Variants in ZNF277 observed in about 807,000 individuals in gnomAD.
The protein encoded by ZNF277 is zinc finger protein 277, also known as nuclear receptor-interacting factor 4.
A neutral mutation model predicts 60.7 loss-of-function variants in ZNF277; 55 were observed. The observed-to-expected ratio is 0.91, with a 90% CI of 0.73 to 1.13. The LOEUF (loss-of-function observed/expected upper bound fraction) is 1.13, where lower values mean the gene tolerates loss of function less well. Ranked by LOEUF, ZNF277 falls within the 50% of genes most tolerant of loss-of-function variation. The probability of loss-of-function intolerance (pLI) is 0.00; values close to 1 mark genes in which losing one functional copy is unlikely to be tolerated. For synonymous variants in ZNF277, 178 were observed against 179.3 expected, an observed-to-expected ratio of 0.99 and a Z score of 0.06; for missense variants, 510 against 523.0, an observed-to-expected ratio of 0.98 and a Z score of 0.24.
intron 1 of ZNF277, among the ~76,000 whole-genome samples, chr7:112,272,638 C>T (rs182264011): frequency 1.3e-5 from 2 of 152,260 alleles, no homozygotes; most frequent in Admixed American, 1.3e-4. Flanking sequence ...GGATTATAGG[C>T]ACACACCATC....
intron 4 of ZNF277, among the ~76,000 whole-genome samples, chr7:112,310,480 T>A (rs866669536): frequency 0.039 from 3,504 of 88,904 alleles, 220 homozygotes; most frequent in African/African-American, 0.19. Flanking sequence ...AGAGAGAGAG[T>A]GTGTGTGTGT....
chr7:112,307,065 A>G (rs1171318639), intron 4 of ZNF277, among the ~76,000 whole-genome samples: 1 of 152,040 alleles, frequency 6.6e-6, no homozygotes, highest in Non-Finnish European at 1.5e-5. Context: ...CCAGCAGCTT[A>G]TGGCCTTTGC....
At chr7:112,340,779 TAATAAA>T (rs754695943) in intron 10 of ZNF277, 87 bp from the exon 11 acceptor site, 192 of 1,050,844 alleles carry the variant, frequency 1.8e-4, no homozygotes, top group Non-Finnish European at 2.5e-4. Flanking sequence ...TCAGGTTGAT[TAATAAA>T]AATAAGTGGC....
chr7:112,272,550 A>G (rs547384220), intron 1 of ZNF277, among the ~76,000 whole-genome samples: 100 of 152,014 alleles, frequency 6.6e-4, no homozygotes, highest in Non-Finnish European at 1.2e-3. Context: ...CTGGAGTGCA[A>G]TGGCACAATC....
intron 1 of ZNF277, among the ~76,000 whole-genome samples, chr7:112,218,446 TTA>T (rs942893277): frequency 4.6e-5 from 7 of 152,228 alleles, no homozygotes; most frequent in African/African-American, 1.7e-4. Context: ...AATAAGCTAA[TTA>T]ACCTTGCATA....
intron 9 of ZNF277, among the ~76,000 whole-genome samples, chr7:112,339,610 C>T (rs1041354300): frequency 1.3e-5 from 2 of 152,202 alleles, no homozygotes; most frequent in Non-Finnish European, 2.9e-5. Flanking sequence ...TGAGCCACCG[C>T]GCCCGGCCCA....
At chr7:112,278,894 TC>T (rs2117049389) in intron 1 of ZNF277, among the ~76,000 whole-genome samples, 1 of 152,260 alleles carries the variant, frequency 6.6e-6, no homozygotes, top group African/African-American at 2.4e-5. Flanking sequence ...AAACAGTAAT[TC>T]CCCTTTTCCC....
chr7:112,304,764 G>T (rs1792552454), intron 4 of ZNF277, among the ~76,000 whole-genome samples: 1 of 152,152 alleles, frequency 6.6e-6, no homozygotes, highest in African/African-American at 2.4e-5. Flanking sequence ...AGGAGTTGGT[G>T]TTATGTCTTT....
chr7:112,210,725 G>A (rs1821723703), intron 1 of ZNF277, among the ~76,000 whole-genome samples: 1 of 152,010 alleles, frequency 6.6e-6, no homozygotes, highest in African/African-American at 2.4e-5. Context: ...ACCCTCCTCG[G>A]CCTCCCAAAG....
At chr7:112,335,472 C>T (rs772938785) in intron 7 of ZNF277, among the ~76,000 whole-genome samples, 3 of 151,976 alleles carry the variant, frequency 2.0e-5, no homozygotes, top group African/African-American at 7.2e-5. Context: ...CCAGACATAG[C>T]GCCAAAAGAG....
intron 1 of ZNF277, among the ~76,000 whole-genome samples, chr7:112,250,818 G>A (rs1587117435): frequency 6.6e-6 from 1 of 152,186 alleles, no homozygotes; most frequent in African/African-American, 2.4e-5. Flanking sequence ...TGCTAAGAAT[G>A]TTGGTGTGAG....
At chr7:112,275,498 G>A (rs1398467813) in intron 1 of ZNF277, among the ~76,000 whole-genome samples, 2 of 152,112 alleles carry the variant, frequency 1.3e-5, no homozygotes, top group Non-Finnish European at 2.9e-5. Flanking sequence ...AAACAGTAGA[G>A]TTATAGAAAG....
intron 4 of ZNF277, among the ~76,000 whole-genome samples, chr7:112,299,477 C>A (rs1350115855): frequency 6.6e-6 from 1 of 152,134 alleles, no homozygotes; most frequent in Non-Finnish European, 1.5e-5. Context: ...TGCATTGGAA[C>A]TCGTGAAGAT....
intron 1 of ZNF277, among the ~76,000 whole-genome samples, chr7:112,256,633 A>T (rs1310556635): frequency 6.6e-6 from 1 of 151,844 alleles, no homozygotes; most frequent in Non-Finnish European, 1.5e-5. Context: ...TTTAGTAGAG[A>T]TGGGGTTTCA....
At chr7:112,302,196 C>G (rs1209117890) in intron 4 of ZNF277, among the ~76,000 whole-genome samples, 1 of 151,854 alleles carries the variant, frequency 6.6e-6, no homozygotes, top group Non-Finnish European at 1.5e-5. Flanking sequence ...ACGTATATAA[C>G]AAATTTATCT....
intron 1 of ZNF277, among the ~76,000 whole-genome samples, chr7:112,241,955 A>G (rs537642193): frequency 6.6e-6 from 1 of 152,238 alleles, no homozygotes; most frequent in Admixed American, 6.5e-5. Context: ...CAGGTTGACT[A>G]CAGTCAACAG....
intron 1 of ZNF277, among the ~76,000 whole-genome samples, chr7:112,260,942 A>G (rs1278157413): frequency 6.6e-6 from 1 of 152,236 alleles, no homozygotes; most frequent in Non-Finnish European, 1.5e-5. Context: ...AAGATTTGAT[A>G]GATTTGTTAA....
intron 1 of ZNF277, among the ~76,000 whole-genome samples, chr7:112,218,006 T>A (rs1821930892): frequency 6.6e-6 from 1 of 152,140 alleles, no homozygotes; most frequent in Non-Finnish European, 1.5e-5. Flanking sequence ...ACTTTCTGAT[T>A]CCCTATCCAC....
intron 9 of ZNF277, among the ~76,000 whole-genome samples, chr7:112,339,611 G>A (rs1461153500): frequency 2.6e-5 from 4 of 152,158 alleles, no homozygotes; most frequent in Non-Finnish European, 4.4e-5. Context: ...GAGCCACCGC[G>A]CCCGGCCCAA....
Sources: allele counts gnomAD v4.1 joint callset (sites outside exome capture counted in the v4.1 genomes callset), GRCh38; gene constraint gnomAD v4.1.1; transcripts MANE v1.5; gene names NCBI Gene and HGNC (gene_info 2026-07-23, HGNC 2026-07-21).